The following CHPT1 variants were observed in gnomAD, a reference collection of about 807,000 sequenced individuals.
The protein encoded by CHPT1 is cholinephosphotransferase 1.
Under a neutral mutation model 47.6 loss-of-function variants are expected in CHPT1, and 36 were observed. That is an observed-to-expected ratio of 0.76 (90% CI 0.58 to 1.00). The LOEUF (loss-of-function observed/expected upper bound fraction) is 1.00. CHPT1 is among the 50% of genes least tolerant of loss of function. CHPT1 has a pLI of 0.00. For synonymous variants in CHPT1, 194 were observed against 186.3 expected (o/e 1.04, Z -0.33); for missense variants, 458 against 498.1 (o/e 0.92, Z 0.77).
intron 8 of CHPT1, 91 bp downstream of exon 8, chr12:101,726,495 G>A (rs1951947645): frequency 6.5e-7 from 1 of 1,540,902 alleles, no homozygotes; most frequent in Non-Finnish European, 8.7e-7. Context: ...CCCTGTGCAG[G>A]AGGCTAGTAT....
rs1300541816 is a variant in CHPT1, at chr12:101,708,639, ACTCTGTT to A, written c.274-5450_274-5444del. 6.5e-5 allele frequency among the ~76,000 whole-genome samples: 8 copies of A among 123,654 alleles called. 2 individuals carry two copies. The highest frequency in any genetic ancestry group is 2.5e-4 in the East Asian group (1 of 3,958). 81.1% of individuals were successfully genotyped at this position (123,654 alleles called of 152,430 possible). A position where few individuals can be genotyped will look rare whatever the true frequency, so the allele number is the denominator to read the frequency against. On this transcript the variant is annotated intron_variant, in intron 1 of 8. Coordinates refer to ENST00000229266, the MANE Select transcript of CHPT1 (RefSeq NM_020244.3). ...TTTAATTATTTAGAGACAGGGTCTC[ACTCTGTT>A]GCCCCAGCTGGAGTGCAGTGGCTCA... is the stretch of plus-strand genomic sequence containing the variant.
chr12:101,719,575 A>G (rs1311256871), intron 4 of CHPT1: 16 of 1,174,238 alleles, frequency 1.4e-5, no homozygotes, highest in Non-Finnish European at 1.8e-5. Flanking sequence ...TTTTGCTTGC[A>G]TACACATCAT....
intron 1 of CHPT1, among the ~76,000 whole-genome samples, chr12:101,699,385 T>C (rs1566033924): frequency 9.2e-6 from 1 of 108,966 alleles, no homozygotes; most frequent in Non-Finnish European, 2.0e-5. Flanking sequence ...ATTATGTATT[T>C]CTTTTCTTTT....
At chr12:101,713,342 C>A (rs994593361) in intron 1 of CHPT1, among the ~76,000 whole-genome samples, 1 of 152,162 alleles carries the variant, frequency 6.6e-6, no homozygotes, top group Non-Finnish European at 1.5e-5. Context: ...CGGAAAGATA[C>A]CCTTCCGTAA....
rs1363055628 is a variant in CHPT1, at chr12:101,714,168, G to A, written c.352G>A (p.Ala118Thr). 5 of 1,612,972 alleles carry A rather than the reference G, an allele frequency of 3.1e-6. No individual in the cohort carries two copies. Among genetic ancestry groups the A allele is most frequent in the Admixed American group, 1.7e-5 (1 of 59,970 alleles). The stretch of plus-strand genomic sequence containing the variant: ...ACTGGATGCTATTGATGGGAAACAA[G>A]CCAGAAGAACAAACTCTTGTTCCCC... ...QSLDAIDGKQ[A>T]RRTNSCSPLG... The change falls in exon 2 of 9, where the codon GCC (alanine) becomes ACC (threonine). Residue 118 changes from alanine to threonine, a missense_variant. Ala to Thr is a moderately conservative substitution (Grantham distance 58). Coordinates refer to ENST00000229266, the MANE Select transcript of CHPT1 (RefSeq NM_020244.3).
At chr12:101,698,792 G>T (rs1361069729) in intron 1 of CHPT1, among the ~76,000 whole-genome samples, 2 of 152,130 alleles carry the variant, frequency 1.3e-5, no homozygotes, top group African/African-American at 4.8e-5. Context: ...TTTGACCTTT[G>T]TACAAAATAA....
At chr12:101,703,214 A>T (rs913955529) in intron 1 of CHPT1, among the ~76,000 whole-genome samples, 1 of 152,178 alleles carries the variant, frequency 6.6e-6, no homozygotes, top group African/African-American at 2.4e-5. Flanking sequence ...AACCCAGTAC[A>T]GTTGATGTGG....
At chr12:101,723,590 T>G (rs1040473612) in intron 6 of CHPT1, 132 bp from the exon 7 acceptor site, 3 of 658,422 alleles carry the variant, frequency 4.6e-6, no homozygotes, top group Admixed American at 3.5e-5. Flanking sequence ...TGAGAAGGTG[T>G]AGAAAAGTAT....
rs1951954905 is a variant in CHPT1 at position 101,726,817 on chromosome 12, A to C, written c.1176+413A>C. On this transcript the variant is annotated intron_variant, in intron 8 of 8. Coordinates refer to ENST00000229266, the MANE Select transcript of CHPT1 (RefSeq NM_020244.3). Reference sequence around the variant, plus strand: ...GAGGGTGCTTACTTTGACTGCTAAAAACTGAAAAGTGATTCAATACTGCTT... The same window carrying C: ...GAGGGTGCTTACTTTGACTGCTAAACACTGAAAAGTGATTCAATACTGCTT... The C allele has an allele frequency of 3.9e-5, 8 of 202,550 alleles. No homozygotes were observed. In the South Asian group the frequency reaches 1.4e-3, roughly 36 times the overall value. The allele number at this position is 202,550 out of a possible 1,614,324, so 12.5% of individuals were successfully genotyped here.
intron 1 of CHPT1, among the ~76,000 whole-genome samples, chr12:101,699,380 G>T (rs1369689402): frequency 9.6e-5 from 13 of 135,644 alleles, no homozygotes; most frequent in African/African-American, 3.4e-4. Flanking sequence ...TGCTTATTAT[G>T]TATTTCTTTT....
chr12:101,708,035 TCAGACTTG>T (rs771549489), intron 1 of CHPT1, among the ~76,000 whole-genome samples: 1 of 152,222 alleles, frequency 6.6e-6, no homozygotes, highest in Non-Finnish European at 1.5e-5. Context: ...TAATGGACTA[TCAGACTTG>T]CTGTTTGCTT....
rs917435488 is a variant in CHPT1, at chr12:101,705,398, T to C, written c.273+7264T>C. ...AAATACATTAAATTTTTTCAAAATA[T>C]ATTAAAATAAACATAAACATTCAAT... is the stretch of plus-strand genomic sequence containing the variant. On this transcript the variant is annotated intron_variant, in intron 1 of 8. Transcript: ENST00000229266. Among the ~76,000 whole-genome samples the C allele has an allele frequency of 6.6e-5, 5 of 75,708 alleles. No homozygotes were observed. The Admixed American group carries it at 6.7e-4, about 10-fold the overall frequency. 49.7% of individuals were successfully genotyped at this position (75,708 alleles called of 152,430 possible).
chr12:101,721,071 CAA>C (rs1951842600), intron 5 of CHPT1, among the ~76,000 whole-genome samples: 1 of 152,028 alleles, frequency 6.6e-6, no homozygotes, highest in African/African-American at 2.4e-5. Flanking sequence ...CACTTGAGGT[CAA>C]GAGTTCGAGA....
chr12:101,702,791 TA>T (rs1951572651), intron 1 of CHPT1, among the ~76,000 whole-genome samples: 1 of 152,074 alleles, frequency 6.6e-6, no homozygotes, highest in East Asian at 1.9e-4. Context: ...CCTCTCTCAT[TA>T]AAACAAAATG....
chr12:101,714,906 T>C, intron 3 of CHPT1: 1 of 278,726 alleles, frequency 3.6e-6, no homozygotes, highest in Non-Finnish European at 6.5e-6. Flanking sequence ...ATAGAGAGGA[T>C]TAAAAGAAAA....
chr12:101,722,634 G>A (rs535521940), intron 5 of CHPT1, among the ~76,000 whole-genome samples: 4 of 150,088 alleles, frequency 2.7e-5, no homozygotes, highest in East Asian at 2.0e-4. Context: ...TGGGAGGATC[G>A]CTTGAGCCCG....
intron 3 of CHPT1, among the ~76,000 whole-genome samples, chr12:101,715,766 G>A (rs950637372): frequency 6.6e-5 from 10 of 152,126 alleles, no homozygotes; most frequent in African/African-American, 2.4e-4. Context: ...AATTCTGAAA[G>A]CATCATTTAA....
chr12:101,699,031 T>C (rs1489708093), intron 1 of CHPT1, among the ~76,000 whole-genome samples: 1 of 152,194 alleles, frequency 6.6e-6, no homozygotes, highest in Non-Finnish European at 1.5e-5. Context: ...GAGGTTGAGG[T>C]TGGATTAACA....
intron 1 of CHPT1, among the ~76,000 whole-genome samples, chr12:101,702,709 C>T (rs1395548667): frequency 6.6e-6 from 1 of 151,752 alleles, no homozygotes; most frequent in Admixed American, 6.6e-5. Flanking sequence ...TCTTTTACTC[C>T]CACTTTTTTT....
Sources: allele counts gnomAD v4.1 joint callset (sites outside exome capture counted in the v4.1 genomes callset), GRCh38; gene constraint gnomAD v4.1.1; transcripts MANE v1.5; gene names NCBI Gene and HGNC (gene_info 2026-07-23, HGNC 2026-07-21).